Variants in KIF20B observed in about 807,000 individuals in gnomAD.
KIF20B encodes the protein kinesin-like protein KIF20B.
KIF20B carries 188 observed loss-of-function variants against 232.5 expected under a neutral mutation model. The observed-to-expected ratio is 0.81, with a 90% CI of 0.72 to 0.91. The LOEUF (loss-of-function observed/expected upper bound fraction) is 0.91. Ranked by LOEUF, KIF20B falls within the 40% of genes least tolerant of loss-of-function variation. The probability of loss-of-function intolerance (pLI) is 0.00; values close to 1 mark genes in which losing one functional copy is unlikely to be tolerated. For synonymous variants in KIF20B, 712 were observed against 683.0 expected (o/e 1.04, Z -0.66); for missense variants, 2,154 against 2,055.9 (o/e 1.05, Z -0.92).
intron 23 of KIF20B, among the ~76,000 whole-genome samples, chr10:89,747,406 A>G (rs1167344909): frequency 6.6e-6 from 1 of 152,084 alleles, no homozygotes; most frequent in Admixed American, 6.5e-5. Flanking sequence ...AAAGGACTAT[A>G]AATCATGCTG....
chr10:89,747,328 C>T (rs12572516), intron 23 of KIF20B, among the ~76,000 whole-genome samples: 64,941 of 150,926 alleles, frequency 0.43, 14,309 homozygotes, highest in East Asian at 0.54. Context: ...GTCAGTGTGG[C>T]GATTCCTCAG....
chr10:89,704,173 G>T (rs1012753992), intron 1 of KIF20B, among the ~76,000 whole-genome samples: 5 of 152,060 alleles, frequency 3.3e-5, no homozygotes, highest in African/African-American at 9.7e-5. Context: ...GGCCATCTTT[G>T]GTTCATTTTA....
At chr10:89,729,980 C>T (rs1843284090) in intron 18 of KIF20B, among the ~76,000 whole-genome samples, 1 of 152,090 alleles carries the variant, frequency 6.6e-6, no homozygotes. Flanking sequence ...TATGTCTTTT[C>T]TATGACCAAA....
intron 27 of KIF20B, among the ~76,000 whole-genome samples, chr10:89,759,837 G>A (rs1181284864): frequency 6.6e-6 from 1 of 152,106 alleles, no homozygotes; most frequent in East Asian, 1.9e-4. Context: ...TGGCAGTAAT[G>A]GGGAGGTGAC....
chr10:89,750,439 A>G (rs1439854749), intron 23 of KIF20B, among the ~76,000 whole-genome samples: 1 of 152,170 alleles, frequency 6.6e-6, no homozygotes, highest in Admixed American at 6.5e-5. Context: ...ATCAATGGAA[A>G]AATACTAAAA....
chr10:89,725,426 ATTC>A (rs1288714166), intron 15 of KIF20B, among the ~76,000 whole-genome samples: 3 of 152,058 alleles, frequency 2.0e-5, no homozygotes, highest in Non-Finnish European at 4.4e-5. Flanking sequence ...AGGCAGATAG[ATTC>A]TTTTTTGAGA....
At chr10:89,719,356 T>A (rs2133098426) in intron 12 of KIF20B, 63 bp from the exon 13 acceptor site, 2 of 1,160,570 alleles carry the variant, frequency 1.7e-6, no homozygotes, top group East Asian at 4.8e-5. Context: ...TATAAAATAA[T>A]CATTTTCTAG....
At chr10:89,750,814 A>C (rs1374429071) in intron 23 of KIF20B, among the ~76,000 whole-genome samples, 1 of 152,160 alleles carries the variant, frequency 6.6e-6, no homozygotes, top group Non-Finnish European at 1.5e-5. Flanking sequence ...AGCTGGTTTT[A>C]AATAAAAATT....
intron 21 of KIF20B, among the ~76,000 whole-genome samples, chr10:89,743,305 C>T (rs561713306): frequency 6.6e-6 from 1 of 152,160 alleles, no homozygotes; most frequent in Non-Finnish European, 1.5e-5. Flanking sequence ...ATTAGATTAC[C>T]GGCAACAGCA....
At position 89,768,724 on chromosome 10, in the gene KIF20B, G is replaced by A. The variant is rs201118320; in HGVS notation, c.5092-14G>A. The stretch of plus-strand genomic sequence containing the variant: ...CTTCTCATCAACAATAACAAAAAAT[G>A]TTTTGTTTATTAGGTTGCCATACGT... On this transcript the variant is annotated splice_polypyrimidine_tract_variant and intron_variant, in intron 30 of 32. Transcript: ENST00000371728. 1 of 1,569,160 alleles carries A rather than the reference G, an allele frequency of 6.4e-7. No individual in the cohort carries two copies. The highest frequency in any genetic ancestry group is 1.4e-5 in the African/African-American group (1 of 72,206).
At position 89,768,271 on chromosome 10, in the gene KIF20B, T is replaced by C; in HGVS notation, c.4990-19T>C. 2 of 1,418,138 alleles carry C rather than the reference T, an allele frequency of 1.4e-6. No homozygotes were observed. The highest frequency in any genetic ancestry group is 2.0e-6 in the Non-Finnish European group (2 of 1,023,500). The allele number at this position is 1,418,138 out of a possible 1,614,324, so 87.8% of individuals were successfully genotyped here. A position where few individuals can be genotyped will look rare whatever the true frequency, so the allele number is the denominator to read the frequency against. On this transcript the variant is annotated intron_variant, in intron 29 of 32. Transcript: ENST00000371728. ...ATATTGTCAAGAAATTAACTGGTGC[T>C]AAAATTCATTATTTTTAGGACTTGG...
chr10:89,728,206 A>G (rs1015089106), intron 17 of KIF20B, among the ~76,000 whole-genome samples: 1 of 152,188 alleles, frequency 6.6e-6, no homozygotes, highest in African/African-American at 2.4e-5. Flanking sequence ...CATTACACCT[A>G]CTGTTTATAC....
intron 4 of KIF20B, 78 bp downstream of exon 4, chr10:89,709,539 A>G (rs929663619): frequency 3.4e-6 from 3 of 880,990 alleles, no homozygotes; most frequent in East Asian, 4.8e-5. Flanking sequence ...ATAATTGTAT[A>G]TAATGAACTA....
rs568056517 is a variant in KIF20B, at chr10:89,717,782, T to C, written c.1271+60T>C. ...ATATTACAATATTTAAACTTTCAAC[T>C]TTTTTGTTTTTAGAAAGTTCTTTTT... On this transcript the variant is annotated intron_variant, in intron 11 of 32. Transcript: ENST00000371728. The C allele has an allele frequency of 9.7e-5, 123 of 1,270,002 alleles. 1 individual carries two copies. The Admixed American group carries it at 1.3e-3, about 13-fold the overall frequency. The allele number at this position is 1,270,002 out of a possible 1,614,324, so 78.7% of individuals were successfully genotyped here. A position where few individuals can be genotyped will look rare whatever the true frequency, so the allele number is the denominator to read the frequency against.
intron 13 of KIF20B, among the ~76,000 whole-genome samples, chr10:89,723,212 T>A (rs1470596412): frequency 1.3e-5 from 2 of 152,204 alleles, no homozygotes; most frequent in African/African-American, 4.8e-5. Flanking sequence ...GGAAGATCTG[T>A]AGCTTAGAGT....
chr10:89,754,630 A>G lies in KIF20B; in HGVS notation c.4460A>G (p.Tyr1487Cys). 3.1e-6 allele frequency: 5 copies of G among 1,602,594 alleles called. No homozygotes were observed. The Middle Eastern group carries it at 5.0e-4, about 160-fold the overall frequency. The stretch of plus-strand genomic sequence containing the variant: ...ATACGAAATAAAGAGATGAAAAAAT[A>G]TGCTGAGGACAGGGAGCGTTTTTTT... The part of the protein sequence containing the change: ...ENIRNKEMKK[Y>C]AEDRERFFKQ... The change falls in exon 26 of 33, where the codon TAT (tyrosine) becomes TGT (cysteine). Residue 1487 changes from tyrosine to cysteine, a missense_variant. Transcript: ENST00000371728.
chr10:89,755,847 G>C (rs907898878), intron 26 of KIF20B, among the ~76,000 whole-genome samples: 8 of 152,144 alleles, frequency 5.3e-5, no homozygotes, highest in African/African-American at 1.9e-4. Context: ...TCCTGCCTCA[G>C]CTTCCCCCAA....
chr10:89,759,237 T>A, intron 27 of KIF20B, among the ~76,000 whole-genome samples: 1 of 152,110 alleles, frequency 6.6e-6, no homozygotes. Context: ...CTCTTGGTGA[T>A]TTTGAATACT....
At chr10:89,771,708 C>T (rs1004050737) in intron 31 of KIF20B, among the ~76,000 whole-genome samples, 5 of 151,972 alleles carry the variant, frequency 3.3e-5, no homozygotes, top group South Asian at 2.1e-4. Context: ...TACTTTTCCA[C>T]GTATAGCTCC....
Sources: gnomAD v4.1 joint callset for allele counts (sites outside exome capture counted in the v4.1 genomes callset) on GRCh38, gnomAD v4.1.1 for gene constraint, MANE v1.5 for transcripts, NCBI Gene and HGNC (gene_info 2026-07-23, HGNC 2026-07-21) for gene names.